The following LUZP2 variants were observed in gnomAD, a reference collection of about 807,000 sequenced individuals.
LUZP2 encodes the protein leucine zipper protein 2.
Under a neutral mutation model 51.6 loss-of-function variants are expected in LUZP2, and 52 were observed. The observed-to-expected ratio is 1.01, with a 90% confidence interval of 0.81 to 1.27. The LOEUF is 1.27. Ranked by LOEUF, LUZP2 falls within the 50% of genes most tolerant of loss-of-function variation. LUZP2 has a pLI of 0.00. For synonymous variants in LUZP2, 154 were observed against 137.3 expected, an observed-to-expected ratio of 1.12 and a Z score of -0.85; for missense variants, 436 against 395.4, an observed-to-expected ratio of 1.10 and a Z score of -0.87.
At chr11:24,729,064 G>A in intron 1 of LUZP2, 105 bp from the exon 2 acceptor site, 1 of 527,030 alleles carries the variant, frequency 1.9e-6, no homozygotes, top group Non-Finnish European at 3.3e-6. Context: ...AGTAATTGAG[G>A]TTTTAACTTC....
At chr11:24,894,416 T>C (rs957038259) in intron 5 of LUZP2, among the ~76,000 whole-genome samples, 1 of 152,064 alleles carries the variant, frequency 6.6e-6, no homozygotes, top group Non-Finnish European at 1.5e-5. Flanking sequence ...CTCAAGTGAT[T>C]CACCCGCCTC....
chr11:24,694,459 C>A (rs1318005236), intron 1 of LUZP2, among the ~76,000 whole-genome samples: 2 of 152,006 alleles, frequency 1.3e-5, no homozygotes, highest in Non-Finnish European at 2.9e-5. Flanking sequence ...GTGTCTAGAA[C>A]TCACTTTAGC....
chr11:24,622,318 G>A (rs374736217), intron 1 of LUZP2, among the ~76,000 whole-genome samples: 40 of 149,968 alleles, frequency 2.7e-4, no homozygotes, highest in African/African-American at 8.1e-4. Context: ...GTGATGTTCC[G>A]CTTCCTGTGT....
intron 1 of LUZP2, among the ~76,000 whole-genome samples, chr11:24,617,481 T>C (rs1268038012): frequency 4.6e-5 from 7 of 152,190 alleles, no homozygotes; most frequent in Non-Finnish European, 8.8e-5. Context: ...TTTGATTCAG[T>C]TGAGATTTCA....
intron 9 of LUZP2, among the ~76,000 whole-genome samples, chr11:25,044,932 C>T (rs1253262221): frequency 6.6e-6 from 1 of 151,006 alleles, no homozygotes; most frequent in Admixed American, 6.6e-5. Flanking sequence ...AACTGGAAAC[C>T]ATCATTCTCA....
In LUZP2 at chr11:24,513,920, G is replaced by A. The variant is rs962244467; in HGVS notation, c.62+16615G>A. Among the ~76,000 whole-genome samples, 81 of 152,302 alleles carry A rather than the reference G, an allele frequency of 5.3e-4. 1 individual carries two copies. The highest frequency in any genetic ancestry group is 1.9e-3 in the African/African-American group (79 of 41,564). On this transcript the variant is annotated intron_variant, in intron 1 of 11. Coordinates refer to ENST00000336930, the MANE Select transcript of LUZP2 (RefSeq NM_001009909.4). ...TTGCCAAACAGAATGCTAATTGGAG[G>A]ACCACGTAAGCATGGAACGGATTTA...
chr11:24,663,042 A>C (rs1240829036), intron 1 of LUZP2, among the ~76,000 whole-genome samples: 2 of 152,094 alleles, frequency 1.3e-5, no homozygotes, highest in African/African-American at 4.8e-5. Context: ...TTAGTTTTGC[A>C]TTCCAAAGAT....
chr11:24,757,659 T>C (rs1859825047), intron 4 of LUZP2, among the ~76,000 whole-genome samples: 1 of 151,914 alleles, frequency 6.6e-6, no homozygotes, highest in African/African-American at 2.4e-5. Flanking sequence ...AAATCCTTAG[T>C]TCTTTGAAAA....
At chr11:24,823,233 A>G (rs59272125) in intron 5 of LUZP2, among the ~76,000 whole-genome samples, 120 of 152,302 alleles carry the variant, frequency 7.9e-4, no homozygotes, top group African/African-American at 2.7e-3. Flanking sequence ...CAAATAATGA[A>G]AAGTAGGTAA....
chr11:24,916,329 T>C (rs906906820), intron 7 of LUZP2, among the ~76,000 whole-genome samples: 1 of 151,882 alleles, frequency 6.6e-6, no homozygotes, highest in Admixed American at 6.6e-5. Context: ...TTATTTTTTA[T>C]TTTTTTTATT....
At chr11:24,854,002 A>G (rs1285374273) in intron 5 of LUZP2, among the ~76,000 whole-genome samples, 1 of 152,154 alleles carries the variant, frequency 6.6e-6, no homozygotes, top group Non-Finnish European at 1.5e-5. Context: ...GCTTTGTCTC[A>G]GAGGACTACC....
intron 5 of LUZP2, among the ~76,000 whole-genome samples, chr11:24,805,541 C>T (rs1397990559): frequency 6.6e-6 from 1 of 152,032 alleles, no homozygotes; most frequent in Non-Finnish European, 1.5e-5. Flanking sequence ...TTGGATTTGC[C>T]CTACAGATTT....
intron 1 of LUZP2, among the ~76,000 whole-genome samples, chr11:24,721,928 C>T (rs1858285326): frequency 6.6e-6 from 1 of 151,950 alleles, no homozygotes; most frequent in South Asian, 2.1e-4. Flanking sequence ...GTGACACTAA[C>T]AAAATGTTAA....
chr11:24,641,555 T>C (rs935500540), intron 1 of LUZP2, among the ~76,000 whole-genome samples: 2 of 152,052 alleles, frequency 1.3e-5, no homozygotes, highest in East Asian at 3.9e-4. Context: ...CTCATCTAAA[T>C]TGATTGAAGA....
chr11:24,508,166 C>T (rs1189967982), intron 1 of LUZP2, among the ~76,000 whole-genome samples: 1 of 151,990 alleles, frequency 6.6e-6, no homozygotes, highest in African/African-American at 2.4e-5. Flanking sequence ...GCAGTGGAGT[C>T]TAAATTCAAA....
At chr11:24,597,141 CAT>C (rs1440286856) in intron 1 of LUZP2, among the ~76,000 whole-genome samples, 1 of 152,064 alleles carries the variant, frequency 6.6e-6, no homozygotes, top group Admixed American at 6.6e-5. Context: ...TAAGGGCAGA[CAT>C]AAAGTGAAGT....
chr11:24,635,843 C>A (rs192496500), intron 1 of LUZP2, among the ~76,000 whole-genome samples: 19 of 152,200 alleles, frequency 1.2e-4, no homozygotes, highest in Admixed American at 1.1e-3. Context: ...CAATACTTTA[C>A]TTGAAATACA....
intron 9 of LUZP2, among the ~76,000 whole-genome samples, chr11:25,005,847 A>C (rs1426903569): frequency 6.6e-6 from 1 of 152,068 alleles, no homozygotes. Flanking sequence ...AGTGGCCCTT[A>C]CCGACACATT....
intron 4 of LUZP2, 26 bp from the exon 5 acceptor site, chr11:24,763,220 C>T: frequency 9.2e-7 from 1 of 1,090,574 alleles, no homozygotes; most frequent in Non-Finnish European, 1.3e-6. Context: ...TGGAATGTGT[C>T]TACATAATAG....
Sources: gnomAD v4.1 joint callset for allele counts (sites outside exome capture counted in the v4.1 genomes callset) on GRCh38, gnomAD v4.1.1 for gene constraint, MANE v1.5 for transcripts, NCBI Gene and HGNC (gene_info 2026-07-23, HGNC 2026-07-21) for gene names.